The following CSMD2 variants were observed in gnomAD, a reference collection of about 807,000 sequenced individuals.
CSMD2 encodes CUB and sushi domain-containing protein 2.
In CSMD2, 130 loss-of-function variants were observed where a neutral mutation model predicts 398.5. The ratio of observed to expected loss-of-function variants is 0.33; its 90% CI spans 0.28 to 0.38. The LOEUF is 0.38. CSMD2 is among the 10% of genes least tolerant of loss of function. CSMD2 has a pLI of 1.00. For synonymous variants in CSMD2, 1,828 were observed against 1,908.5 expected (o/e 0.96, Z 1.10); for missense variants, 3,829 against 4,764.9 (o/e 0.80, Z 5.78).
chr1:33,981,446 C>T (rs980844969), intron 3 of CSMD2, among the ~76,000 whole-genome samples: 1 of 152,186 alleles, frequency 6.6e-6, no homozygotes, highest in Non-Finnish European at 1.5e-5. Flanking sequence ...GTTCTAACAA[C>T]AAGACTCATT....
intron 55 of CSMD2, among the ~76,000 whole-genome samples, chr1:33,554,703 C>A (rs1657797274): frequency 6.6e-6 from 1 of 152,218 alleles, no homozygotes; most frequent in South Asian, 2.1e-4. Context: ...ATAAATGGAA[C>A]AACAAAGCCT....
intron 38 of CSMD2, among the ~76,000 whole-genome samples, chr1:33,617,245 A>C (rs989643892): frequency 1.3e-5 from 2 of 152,258 alleles, no homozygotes; most frequent in Non-Finnish European, 2.9e-5. Flanking sequence ...ATGGCCTTCA[A>C]AGGGAAATTA....
intron 19 of CSMD2, 101 bp downstream of exon 19, chr1:33,724,096 T>C: frequency 1.3e-6 from 1 of 767,996 alleles, no homozygotes; most frequent in Non-Finnish European, 2.3e-6. Context: ...AGCCCAGAGG[T>C]CACTATCTAG....
Position 33,572,627 on chromosome 1 carries a change from C to G in CSMD2, c.7641G>C (p.Val2547=). 6.2e-7 allele frequency: 1 copy of G among 1,614,080 alleles called. No homozygotes were observed. Residue 2547 remains valine (V), a synonymous_variant, in exon 50 of 71, where the codon GTG becomes GTC. Transcript: ENST00000373381. ...NGMVFGKEYT[V]GTKAMYSCSE... ...TGCAGCTGTACATGGCCTTGGTTCC[C>G]ACTGTGTACTCCTTGCCAAACACCA...
chr1:33,740,269 C>G (rs1279418616), intron 14 of CSMD2, among the ~76,000 whole-genome samples: 1 of 152,002 alleles, frequency 6.6e-6, no homozygotes, highest in Non-Finnish European at 1.5e-5. Flanking sequence ...TCACAGTTCT[C>G]TTACTAAATG....
At chr1:33,843,457 G>A (rs1661055448) in intron 6 of CSMD2, among the ~76,000 whole-genome samples, 1 of 152,202 alleles carries the variant, frequency 6.6e-6, no homozygotes, top group Non-Finnish European at 1.5e-5. Flanking sequence ...ATTAGAAGTT[G>A]GTAATCATTA....
intron 5 of CSMD2, among the ~76,000 whole-genome samples, chr1:33,887,219 G>T (rs1248863691): frequency 6.8e-6 from 1 of 146,012 alleles, no homozygotes. Context: ...TCTGGGAATT[G>T]CTCCTAAAGA....
At chr1:34,043,314 C>T (rs1355144696) in intron 2 of CSMD2, among the ~76,000 whole-genome samples, 3 of 152,152 alleles carry the variant, frequency 2.0e-5, no homozygotes, top group African/African-American at 7.2e-5. Flanking sequence ...CTTTGCCACC[C>T]AGGCGGCCTC....
rs375921489 is a variant in CSMD2 at position 33,633,436 on chromosome 1, G to A, written c.5186C>T (p.Ser1729Leu). 9 of 1,552,150 alleles carry A rather than the reference G, an allele frequency of 5.8e-6. No homozygotes were observed. Among genetic ancestry groups the A allele is most frequent in the South Asian group, 3.6e-5 (3 of 84,108 alleles). The change falls in exon 32 of 71, where the codon TCG becomes TTG. Residue 1729 changes from serine to leucine, a missense_variant. By Grantham distance (145) the Ser-to-Leu change is moderately radical. Coordinates refer to ENST00000373381, the MANE Select transcript of CSMD2 (RefSeq NM_001281956.2). The surrounding 1 kb of genome is among the most constrained non-coding windows in gnomAD (Gnocchi z 5.0). ...GCCCCGGATACCTGTATGGGAGCCCGAGAGGGAGCTGAGGAGCCGCGAGTG... is the reference window on the plus strand; with the variant it reads ...GCCCCGGATACCTGTATGGGAGCCCAAGAGGGAGCTGAGGAGCCGCGAGTG... ...SQHSRLLSSL[S>L]GSHTGESLPL... is the part of the protein sequence containing the mutation.
intron 25 of CSMD2, among the ~76,000 whole-genome samples, chr1:33,671,709 G>C (rs1644505613): frequency 6.6e-6 from 1 of 151,968 alleles, no homozygotes; most frequent in Non-Finnish European, 1.5e-5. Flanking sequence ...CTAGTGTAAG[G>C]TTCACAACAC....
At chr1:33,600,541 G>T in intron 44 of CSMD2, 1 of 511,652 alleles carries the variant, frequency 2.0e-6, no homozygotes, top group Non-Finnish European at 3.5e-6. Flanking sequence ...AAGTGCTAAG[G>T]GATAAGCTGG....
intron 2 of CSMD2, among the ~76,000 whole-genome samples, chr1:34,087,089 C>A (rs2618774): frequency 6.6e-6 from 1 of 151,870 alleles, no homozygotes; most frequent in African/African-American, 2.4e-5. Context: ...AAAGTGGGCT[C>A]TGCCACAGCA....
chr1:34,147,380 G>A (rs900181864), intron 1 of CSMD2, among the ~76,000 whole-genome samples: 3 of 152,196 alleles, frequency 2.0e-5, no homozygotes, highest in Non-Finnish European at 2.9e-5. Context: ...AGTGTCAGAC[G>A]CTGAAGAGGG....
chr1:33,586,641 A>G, intron 45 of CSMD2, 24 bp from the exon 46 acceptor site: 4 of 1,479,086 alleles, frequency 2.7e-6, no homozygotes, highest in African/African-American at 1.4e-5. Context: ...ACCAACATGT[A>G]GACCCTCTTA....
intron 3 of CSMD2, among the ~76,000 whole-genome samples, chr1:33,992,923 T>C (rs1394414619): frequency 6.7e-6 from 1 of 149,258 alleles, no homozygotes; most frequent in Non-Finnish European, 1.5e-5. Flanking sequence ...CAGAGATCCA[T>C]AGATCCACCA....
At chr1:34,109,767 CGG>C (rs1660864210) in intron 1 of CSMD2, among the ~76,000 whole-genome samples, 3 of 151,958 alleles carry the variant, frequency 2.0e-5, no homozygotes, top group Non-Finnish European at 2.9e-5. Flanking sequence ...GAGCCAGGCA[CGG>C]TGGCTCATGC....
At chr1:33,829,112 TC>T (rs1659166425) in intron 6 of CSMD2, among the ~76,000 whole-genome samples, 1 of 151,944 alleles carries the variant, frequency 6.6e-6, no homozygotes, top group Non-Finnish European at 1.5e-5. Flanking sequence ...ACAGGTAGAG[TC>T]TTTGTCCTCA....
At chr1:33,799,784 G>A (rs1388025735) in intron 10 of CSMD2, among the ~76,000 whole-genome samples, 5 of 152,180 alleles carry the variant, frequency 3.3e-5, no homozygotes, top group South Asian at 4.1e-4. Context: ...CATGAGACCC[G>A]GAGGGAACCA....
At chr1:34,128,551 G>A (rs1270715244) in intron 1 of CSMD2, among the ~76,000 whole-genome samples, 1 of 152,210 alleles carries the variant, frequency 6.6e-6, no homozygotes, top group East Asian at 1.9e-4. Flanking sequence ...AGTTCAGGCA[G>A]AGGCATAGAC....
Sources: gnomAD v4.1 joint callset for allele counts (sites outside exome capture counted in the v4.1 genomes callset) on GRCh38, gnomAD v4.1.1 for gene constraint, Gnocchi (gnomAD v3.1) non-coding constraint, MANE v1.5 for transcripts, NCBI Gene and HGNC (gene_info 2026-07-23, HGNC 2026-07-21) for gene names.